MTF2: variants seen among roughly 807,000 people sequenced by gnomAD.
The protein encoded by MTF2 is metal-response element-binding transcription factor 2.
Under a neutral mutation model 79.5 loss-of-function variants are expected in MTF2, and 11 were observed. The observed-to-expected ratio is 0.14, with a 90% confidence interval of 0.09 to 0.23. MTF2 has a LOEUF of 0.23. Among genes scored for constraint, MTF2 ranks in the 10% least tolerant of loss-of-function variants. The pLI is 1.00. For missense variants in MTF2, 486 were observed against 711.2 expected, an observed-to-expected ratio of 0.68 and a Z score of 3.60; for synonymous variants, 208 against 232.8, an observed-to-expected ratio of 0.89 and a Z score of 0.97.
At position 93,111,285 on chromosome 1, in the gene MTF2, A is replaced by G. The variant is rs535674317; in HGVS notation, c.286+659A>G. ...ACTTTTAAAAATTACAATCTCTACT[A>G]AAAGCCTGAGTATTTTAGCTGTTCA... On this transcript the variant is annotated intron_variant, in intron 3 of 14. Transcript: ENST00000370298. 2.0e-5 allele frequency among the ~76,000 whole-genome samples: 3 copies of G among 152,274 alleles called. No individual in the cohort carries two copies. The South Asian group carries it at 6.2e-4, about 32-fold the overall frequency.
chr1:93,079,964 T>A (rs1654533120), intron 1 of MTF2, among the ~76,000 whole-genome samples: 2 of 151,822 alleles, frequency 1.3e-5, no homozygotes, highest in Non-Finnish European at 2.9e-5. Context: ...CCTGGGACCT[T>A]AGCAGTGCGC....
At chr1:93,106,688 T>C (rs1655804805) in intron 1 of MTF2, among the ~76,000 whole-genome samples, 1 of 152,144 alleles carries the variant, frequency 6.6e-6, no homozygotes, top group Non-Finnish European at 1.5e-5. Flanking sequence ...CCAGGCTAAT[T>C]TTGTATTTTT....
intron 1 of MTF2, among the ~76,000 whole-genome samples, chr1:93,096,183 G>A (rs183872762): frequency 2.6e-5 from 4 of 152,150 alleles, no homozygotes; most frequent in African/African-American, 7.2e-5. Context: ...TAACATGAAC[G>A]TGGAACATCA....
chr1:93,127,328 TG>T, intron 10 of MTF2, 29 bp downstream of exon 10: 8 of 1,360,306 alleles, frequency 5.9e-6, no homozygotes, highest in Non-Finnish European at 7.4e-6. Flanking sequence ...TGTATCCCTA[TG>T]AGGGAGACAT....
chr1:93,109,356 C>CA (rs1655938452), intron 1 of MTF2, among the ~76,000 whole-genome samples: 2 of 151,548 alleles, frequency 1.3e-5, no homozygotes, highest in South Asian at 4.2e-4. Context: ...TTTTTTGAGA[C>CA]AGAGTCTTGC....
At chr1:93,099,076 T>A (rs1298040613) in intron 1 of MTF2, among the ~76,000 whole-genome samples, 1 of 152,188 alleles carries the variant, frequency 6.6e-6, no homozygotes, top group Non-Finnish European at 1.5e-5. Context: ...GAGAGGGTTT[T>A]TACATTGATA....
At chr1:93,096,826 T>C (rs1267331579) in intron 1 of MTF2, among the ~76,000 whole-genome samples, 1 of 149,320 alleles carries the variant, frequency 6.7e-6, no homozygotes, top group Non-Finnish European at 1.5e-5. Context: ...TTTTTTTTTT[T>C]TGGAGACAGG....
chr1:93,080,838 T>C (rs1654575172), intron 1 of MTF2: 3 of 152,026 alleles, frequency 2.0e-5, no homozygotes, highest in Admixed American at 1.3e-4. Flanking sequence ...TAAAATGTAA[T>C]TAAATTCACA....
At chr1:93,093,694 CTT>C (rs1655165253) in intron 1 of MTF2, among the ~76,000 whole-genome samples, 1 of 152,010 alleles carries the variant, frequency 6.6e-6, no homozygotes, top group Admixed American at 6.6e-5. Flanking sequence ...CACATACACT[CTT>C]TTTTTAAAAA....
intron 1 of MTF2, among the ~76,000 whole-genome samples, chr1:93,090,650 C>T (rs991553436): frequency 4.0e-5 from 6 of 150,298 alleles, no homozygotes; most frequent in South Asian, 2.1e-4. Context: ...TTCTTGGTTA[C>T]GTTATTTTTC....
intron 1 of MTF2, among the ~76,000 whole-genome samples, chr1:93,109,243 A>T (rs1200219828): frequency 6.6e-6 from 1 of 152,166 alleles, no homozygotes; most frequent in Non-Finnish European, 1.5e-5. Context: ...CTGTTTATGG[A>T]ATGTCTGATA....
chr1:93,119,770 A>T (rs1311932867), intron 8 of MTF2: 2 of 165,608 alleles, frequency 1.2e-5, no homozygotes, highest in African/African-American at 2.4e-5. Context: ...TGGAAGTGTG[A>T]TGAATTTTAG....
At chr1:93,090,619 A>AG (rs958034229) in intron 1 of MTF2, among the ~76,000 whole-genome samples, 23 of 151,910 alleles carry the variant, frequency 1.5e-4, no homozygotes, top group Non-Finnish European at 2.9e-4. Flanking sequence ...GTAAGAGAGT[A>AG]GGATTGTTGG....
intron 6 of MTF2, among the ~76,000 whole-genome samples, chr1:93,116,521 T>G (rs1401282264): frequency 7.3e-5 from 11 of 150,504 alleles, no homozygotes; most frequent in South Asian, 2.1e-4. Context: ...TTTTTTTTTT[T>G]GAGACAGGTT....
At chr1:93,083,684 G>A (rs1308446585) in intron 1 of MTF2, among the ~76,000 whole-genome samples, 1 of 152,156 alleles carries the variant, frequency 6.6e-6, no homozygotes, top group Non-Finnish European at 1.5e-5. Flanking sequence ...GCTCACTAGC[G>A]ATTATCTGGT....
chr1:93,084,565 A>G (rs1654754980), intron 1 of MTF2, among the ~76,000 whole-genome samples: 1 of 152,212 alleles, frequency 6.6e-6, no homozygotes, highest in Non-Finnish European at 1.5e-5. Flanking sequence ...TATTGAATCT[A>G]TAGATTGATT....
chr1:93,118,969 C>T (rs1029741742), intron 7 of MTF2, among the ~76,000 whole-genome samples: 5 of 152,214 alleles, frequency 3.3e-5, no homozygotes, highest in East Asian at 1.9e-4. Context: ...TTGTCTCTTT[C>T]GGGCTTATTA....
At chr1:93,115,875 CTA>C (rs1312238398) in intron 6 of MTF2, among the ~76,000 whole-genome samples, 6 of 152,010 alleles carry the variant, frequency 3.9e-5, no homozygotes, top group Admixed American at 3.9e-4. Context: ...ATAAAATTAA[CTA>C]TTGAGGGAAA....
chr1:93,122,117 TAATAAACTGATTAGTAATC>T (rs1489431656), intron 9 of MTF2, among the ~76,000 whole-genome samples: 1 of 152,164 alleles, frequency 6.6e-6, no homozygotes, highest in Non-Finnish European at 1.5e-5. Flanking sequence ...TGATAAATTT[TAATAAACTGATTAGTAATC>T]AGAAAGTAAG....
Sources: gnomAD v4.1 joint callset for allele counts (sites outside exome capture counted in the v4.1 genomes callset) on GRCh38, gnomAD v4.1.1 for gene constraint, MANE v1.5 for transcripts, NCBI Gene and HGNC (gene_info 2026-07-23, HGNC 2026-07-21) for gene names.